The following PRF1 variants were observed in gnomAD, a reference collection of about 807,000 sequenced individuals.
PRF1 encodes perforin 1.
PRF1 carries 11 observed loss-of-function variants against 11.7 expected under a neutral mutation model. The ratio of observed to expected loss-of-function variants is 0.94; its 90% CI spans 0.59 to 1.56. The LOEUF (loss-of-function observed/expected upper bound fraction) is 1.56, where lower values mean the gene tolerates loss of function less well. Among genes scored for constraint, PRF1 ranks in the 40% most tolerant of loss-of-function variants. The pLI, the probability that PRF1 is intolerant of heterozygous loss-of-function variation, is 0.00. For synonymous variants in PRF1, 314 were observed against 327.8 expected, an observed-to-expected ratio of 0.96 and a Z score of 0.45; for missense variants, 729 against 751.0, an observed-to-expected ratio of 0.97 and a Z score of 0.34.
intron 1 of PRF1, among the ~76,000 whole-genome samples, chr10:70,601,452 A>G (rs1423899200): frequency 6.6e-6 from 1 of 151,994 alleles, no homozygotes; most frequent in Non-Finnish European, 1.5e-5. Context: ...GAGGTCCTAT[A>G]TTGCACCTAT....
In PRF1 at chr10:70,599,012, T is replaced by G. The variant is rs757315927; in HGVS notation, c.709A>C (p.Thr237Pro). ...VELGGRISAL[T>P]ALRTCELALE... ...GCCAGCTCGCAGGTGCGCAGGGCAG[T>G]GAGGGCCGATATGCGGCCACCCAGC... The change falls in exon 3 of 3, where the codon ACT (threonine) becomes CCT (proline). Residue 237 changes from threonine to proline, a missense_variant. By Grantham distance (38) the Thr-to-Pro change is conservative. Coordinates refer to ENST00000441259, the MANE Select transcript of PRF1 (RefSeq NM_001083116.3). 6.2e-7 allele frequency: 1 copy of G among 1,613,924 alleles called. No homozygotes were observed.
rs28933376 is a variant in PRF1 at position 70,598,417 on chromosome 10, G to A, written c.1304C>T (p.Thr435Met). The change falls in exon 3 of 3, where the codon ACG (threonine) becomes ATG (methionine). Residue 435 changes from threonine (T) to methionine (M), a missense_variant. Physicochemically the swap from Thr to Met is moderately conservative, Grantham distance 81. Transcript: ENST00000441259. ...WGLWGDWFTA[T>M]DAYVKLFFGG... The stretch of plus-strand genomic sequence containing the variant: ...AAAGAAGAGCTTCACATAGGCATCC[G>A]TGGCAGTGAACCAGTCCCCCCACAG... The A allele has an allele frequency of 1.9e-5, 31 of 1,613,836 alleles. No homozygotes were observed. Among genetic ancestry groups the A allele is most frequent in the Admixed American group, 6.7e-5 (4 of 60,000 alleles).
chr10:70,600,276 T>C lies in PRF1; in HGVS notation c.539+88A>G, dbSNP rs1263448782. On this transcript the variant is annotated intron_variant, in intron 2 of 2. Transcript: ENST00000441259. The surrounding 1 kb of genome is among the most constrained non-coding windows in gnomAD (Gnocchi z 4.9). ...TGGTGGAAGCAGCCTCCAAGTTTGA[T>C]TGGAGGACTCTGCCTTTCCAGGGCT... The C allele has an allele frequency of 3.2e-6, 5 of 1,566,998 alleles. No homozygotes were observed. The highest frequency in any genetic ancestry group is 4.3e-6 in the Non-Finnish European group (5 of 1,159,998).
At position 70,598,131 on chromosome 10, in the gene PRF1, T is replaced by G; in HGVS notation, c.1590A>C (p.Gly530=). 1.2e-6 allele frequency: 2 copies of G among 1,614,118 alleles called. No individual in the cohort carries two copies. The highest frequency in any genetic ancestry group is 1.7e-6 in the Non-Finnish European group (2 of 1,180,022). The change falls in exon 3 of 3, where the codon GGA becomes GGC. Residue 530 remains glycine, a synonymous_variant. Coordinates refer to ENST00000441259, the MANE Select transcript of PRF1 (RefSeq NM_001083116.3). ...GGACATAGTCCAGGCAGGTGCCTCC[T>G]CCCAGGTGGGGCAAGCACCTGGCAT... The part of the protein sequence containing the change: ...RYHARCLPHL[G]GGTCLDYVPQ...
At chr10:70,601,041 ATTC>A (rs1848223815) in intron 1 of PRF1, 109 bp from the exon 2 acceptor site, 1 of 1,411,396 alleles carries the variant, frequency 7.1e-7, no homozygotes, top group African/African-American at 1.4e-5. Context: ...TTAAGTCATT[ATTC>A]AATGAATGTC....
Position 70,598,447 on chromosome 10 carries a change from C to T in PRF1, c.1274G>A (p.Trp425Ter), listed in dbSNP as rs142606828. ...AQLEVTFIQAWGLWGDWFTAT... is the reference protein window; with the variant it reads ...AQLEVTFIQA Reference sequence around the variant, plus strand: ...AGTGAACCAGTCCCCCCACAGGCCCCATGCTTGGATGAAGGTCACCTCCAG... The same window carrying T: ...AGTGAACCAGTCCCCCCACAGGCCCTATGCTTGGATGAAGGTCACCTCCAG... The change falls in exon 3 of 3, where the codon TGG (tryptophan) becomes TAG (stop). Residue 425 changes from tryptophan (W) to a stop codon, truncating the protein, a stop_gained. Transcript: ENST00000441259. LOFTEE classifies it low-confidence loss of function (END_TRUNC). 3 of 1,613,686 alleles carry T rather than the reference C, an allele frequency of 1.9e-6. No homozygotes were observed. Among genetic ancestry groups the T allele is most frequent in the African/African-American group, 1.3e-5 (1 of 74,948 alleles).
intron 1 of PRF1, among the ~76,000 whole-genome samples, 175 bp from the exon 2 acceptor site, chr10:70,601,107 G>T (rs1277048273): frequency 6.6e-6 from 1 of 152,184 alleles, no homozygotes; most frequent in Non-Finnish European, 1.5e-5. Context: ...TGTACAGATG[G>T]GCCCAGAGAG....
chr10:70,600,990 G>T lies in PRF1; in HGVS notation c.-30-58C>A. 6.5e-7 allele frequency: 1 copy of T among 1,530,552 alleles called. No homozygotes were observed. The highest frequency in any genetic ancestry group is 8.7e-7 in the Non-Finnish European group (1 of 1,143,042). The allele number at this position is 1,530,552 out of a possible 1,614,324, so 94.8% of individuals were successfully genotyped here. On this transcript the variant is annotated intron_variant, in intron 1 of 2. Coordinates refer to ENST00000441259, the MANE Select transcript of PRF1 (RefSeq NM_001083116.3). This position sits in a 1 kb window ranked among gnomAD's most constrained non-coding sequence, Gnocchi z 4.9. The stretch of plus-strand genomic sequence containing the variant: ...ACTGCTCCCTTCCCCCACAGCCACA[G>T]ATTATCAGGGCACATGGAAGGGGAG...
rs181323749 is a variant in PRF1 at position 70,600,771 on chromosome 10, G to T, written c.132C>A (p.Ala44=). Residue 44 remains alanine (A), a synonymous_variant, in exon 2 of 3, where the codon GCC becomes GCA. Coordinates refer to ENST00000441259, the MANE Select transcript of PRF1 (RefSeq NM_001083116.3). The surrounding 1 kb of genome is among the most constrained non-coding windows in gnomAD (Gnocchi z 4.9). ...GGCTGGTCACGTCCACACCCTCCCC[G>T]GCCAGCCATGCACCAGGCACGAACT... The part of the protein sequence containing the change: ...SHKFVPGAWL[A]GEGVDVTSLR... 144 of 1,611,248 alleles carry T rather than the reference G, an allele frequency of 8.9e-5. No homozygotes were observed. In the Admixed American group the frequency reaches 2.3e-3, roughly 26 times the overall value.
chr10:70,598,482 G>A lies in PRF1; in HGVS notation c.1239C>T (p.Gly413=), dbSNP rs1290273606. Residue 413 remains glycine (G), a synonymous_variant, in exon 3 of 3, where the codon GGC becomes GGT. Coordinates refer to ENST00000441259, the MANE Select transcript of PRF1 (RefSeq NM_001083116.3). ...TGAAGGTCACCTCCAGCTGGGCCAG[G>A]CCCCTCTGCCGAGGGCAGCAGTCCT... ...TTQDCCPRQR[G]LAQLEVTFIQ... 6.2e-7 allele frequency: 1 copy of A among 1,613,478 alleles called. No individual in the cohort carries two copies. Among genetic ancestry groups the A allele is most frequent in the Non-Finnish European group, 8.5e-7 (1 of 1,179,992 alleles).
At chr10:70,601,840 A>AAAAAAAAAAAGATAAAGAAAAAAAAG in intron 1 of PRF1, among the ~76,000 whole-genome samples, 1 of 97,760 alleles carries the variant, frequency 1.0e-5, no homozygotes, top group South Asian at 3.6e-4. Context: ...AAAAAAAAAA[A>AAAAAAAAAAAGATAAAGAAAAAAAAG]AAAAAGGGGC....
chr10:70,600,314 A>G lies in PRF1; in HGVS notation c.539+50T>C, dbSNP rs1216416319. 4 of 1,609,282 alleles carry G rather than the reference A, an allele frequency of 2.5e-6. No individual in the cohort carries two copies. The highest frequency in any genetic ancestry group is 3.4e-6 in the Non-Finnish European group (4 of 1,178,624). The stretch of plus-strand genomic sequence containing the variant: ...CCTTTCCAGGGCTCCTAGACCACCC[A>G]GAGTTTCCCGCGCCTTTTCCAGCCC... On this transcript the variant is annotated intron_variant, in intron 2 of 2. Transcript: ENST00000441259. This position sits in a 1 kb window ranked among gnomAD's most constrained non-coding sequence, Gnocchi z 4.9.
rs1196309418 is a variant in PRF1 at position 70,600,684 on chromosome 10, G to T, written c.219C>A (p.Cys73Ter). 1.9e-6 allele frequency: 3 copies of T among 1,613,900 alleles called. No homozygotes were observed. In the South Asian group the frequency reaches 3.3e-5, roughly 18 times the overall value. ...CCTGTAGGGCATTTTCACAGAGGGT[G>T]CAGGTGCCGTCGGGCCGCAGGAACC... ...TQRFLRPDGT[C>*]TLCENALQEG... The change falls in exon 2 of 3, where the codon TGC becomes TGA. Residue 73 changes from cysteine (C) to a stop codon, truncating the protein, a stop_gained. Transcript: ENST00000441259. LOFTEE classifies it high-confidence loss of function. This position sits in a 1 kb window ranked among gnomAD's most constrained non-coding sequence, Gnocchi z 4.9.
rs1191062608 is a variant in PRF1 at position 70,600,591 on chromosome 10, G to A, written c.312C>T (p.Arg104=). 6.2e-7 allele frequency: 1 copy of A among 1,613,714 alleles called. No individual in the cohort carries two copies. Among genetic ancestry groups the A allele is most frequent in the Admixed American group, 1.7e-5 (1 of 59,996 alleles). ...NWRAQGSGCQ[R]HVTRAKVSST... ...AGCTGACTTTGGCCCTGGTTACATG[G>A]CGCTGGCAGCCAGAGCCCTGGGCCC... The change falls in exon 2 of 3, where the codon CGC becomes CGT. Residue 104 remains arginine, a synonymous_variant. Coordinates refer to ENST00000441259, the MANE Select transcript of PRF1 (RefSeq NM_001083116.3). The surrounding 1 kb of genome is among the most constrained non-coding windows in gnomAD (Gnocchi z 4.9).
Position 70,598,211 on chromosome 10 carries a change from C to T in PRF1, c.1510G>A (p.Gly504Ser), listed in dbSNP as rs768577508. 2 of 1,614,212 alleles carry T rather than the reference C, an allele frequency of 1.2e-6. No homozygotes were observed. The highest frequency in any genetic ancestry group is 1.7e-5 in the Admixed American group (1 of 60,026). The change falls in exon 3 of 3, where the codon GGT becomes AGT. Residue 504 changes from glycine (G) to serine (S), a missense_variant. Transcript: ENST00000441259. ...AGGTTGCATCTCACCTCATGGGAACCAGACTTGGGAGCCTGATCACAGGTG... is the reference window on the plus strand; with the variant it reads ...AGGTTGCATCTCACCTCATGGGAACTAGACTTGGGAGCCTGATCACAGGTG... ...LGTCDQAPKS[G>S]SHEVRCNLNH... is the part of the protein sequence containing the mutation.
At chr10:70,599,833 G>A (rs753622440) in intron 2 of PRF1, among the ~76,000 whole-genome samples, 2 of 152,210 alleles carry the variant, frequency 1.3e-5, no homozygotes, top group African/African-American at 4.8e-5. Context: ...TTTCTCAGAC[G>A]TGGAATATGG....
chr10:70,600,229 A>T lies in PRF1; in HGVS notation c.539+135T>A. The stretch of plus-strand genomic sequence containing the variant: ...AGGGCTGAATCACCTGAAGTCTGAG[A>T]GCCAGGATTGCAGTTTCTTCCTGGT... On this transcript the variant is annotated intron_variant, in intron 2 of 2. Coordinates refer to ENST00000441259, the MANE Select transcript of PRF1 (RefSeq NM_001083116.3). This position sits in a 1 kb window ranked among gnomAD's most constrained non-coding sequence, Gnocchi z 4.9. The T allele has an allele frequency of 6.8e-7, 1 of 1,476,502 alleles. No individual in the cohort carries two copies. Among genetic ancestry groups the T allele is most frequent in the Non-Finnish European group, 9.0e-7 (1 of 1,108,486 alleles). 91.5% of individuals were successfully genotyped at this position (1,476,502 alleles called of 1,614,324 possible).
In PRF1 at chr10:70,600,299, G is replaced by A; in HGVS notation, c.539+65C>T. On this transcript the variant is annotated intron_variant, in intron 2 of 2. Coordinates refer to ENST00000441259, the MANE Select transcript of PRF1 (RefSeq NM_001083116.3). This position sits in a 1 kb window ranked among gnomAD's most constrained non-coding sequence, Gnocchi z 4.9. ...GATTGGAGGACTCTGCCTTTCCAGG[G>A]CTCCTAGACCACCCAGAGTTTCCCG... The A allele has an allele frequency of 6.3e-7, 1 of 1,598,672 alleles. No individual in the cohort carries two copies. Among genetic ancestry groups the A allele is most frequent in the South Asian group, 1.1e-5 (1 of 89,312 alleles).
chr10:70,599,687 G>A (rs570427624), intron 2 of PRF1, among the ~76,000 whole-genome samples: 4 of 152,226 alleles, frequency 2.6e-5, no homozygotes, highest in East Asian at 3.9e-4. Flanking sequence ...TCATCCATCC[G>A]TCCCCCTGGA....
Sources: allele counts gnomAD v4.1 joint callset (sites outside exome capture counted in the v4.1 genomes callset), GRCh38; gene constraint gnomAD v4.1.1; non-coding constraint Gnocchi (gnomAD v3.1); transcripts MANE v1.5; gene names NCBI Gene and HGNC (gene_info 2026-07-23, HGNC 2026-07-21).